The following FBN2 variants were observed in gnomAD, a reference collection of about 807,000 sequenced individuals.
FBN2 encodes the protein fibrillin 2, also known as fibrillin-2.
Under a neutral mutation model 355.6 loss-of-function variants are expected in FBN2, and 105 were observed. The ratio of observed to expected loss-of-function variants is 0.30; its 90% CI spans 0.25 to 0.35. FBN2 has a LOEUF of 0.35. Among genes scored for constraint, FBN2 ranks in the 10% least tolerant of loss-of-function variants. The pLI is 1.00. For missense variants in FBN2, 3,280 were observed against 3,758.7 expected, an observed-to-expected ratio of 0.87 and a Z score of 3.33; for synonymous variants, 1,350 against 1,301.2, an observed-to-expected ratio of 1.04 and a Z score of -0.81.
chr5:128,507,045 T>C (rs559361299), intron 5 of FBN2, among the ~76,000 whole-genome samples: 1 of 152,220 alleles, frequency 6.6e-6, no homozygotes, highest in East Asian at 1.9e-4. Context: ...CTTCTTGATA[T>C]GTCTTTTTCT....
intron 32 of FBN2, 42 bp downstream of exon 32, chr5:128,332,870 A>G (rs1316561734): frequency 2.5e-6 from 4 of 1,606,980 alleles, no homozygotes; most frequent in African/African-American, 2.7e-5. Context: ...AGCCTTTAAA[A>G]ATTTGTGCCT....
chr5:128,537,372 C>A lies in FBN2; in HGVS notation c.232G>T (p.Gly78Ter). ...TACCCTCGGAGCACGTCCTGCTGTC[C>A]TCGCCGGCGGACGCGGCTGGCCACT... is the stretch of plus-strand genomic sequence containing the variant. ...AAVASRVRRR[G>*]QQDVLRGPNV... Residue 78 changes from glycine to a stop codon, truncating the protein, a stop_gained, in exon 1 of 65, where the codon GGA becomes TGA. Transcript: ENST00000262464. LOFTEE classifies it high-confidence loss of function. 6.2e-7 allele frequency: 1 copy of A among 1,610,934 alleles called. No individual in the cohort carries two copies.
At position 128,537,556 on chromosome 5, in the gene FBN2, C is replaced by T; in HGVS notation, c.48G>A (p.Leu16=). The change falls in exon 1 of 65, where the codon CTG becomes CTA. Residue 16 remains leucine (L), a synonymous_variant. Coordinates refer to ENST00000262464, the MANE Select transcript of FBN2 (RefSeq NM_001999.4). ...RLCLQLYFLW[L]GCVVLWAQGT... is the part of the protein sequence containing the mutation. ...CCTGCGCCCAGAGCACCACACAGCC[C>T]AGCCACAGGAAGTAGAGCTGGAGAC... The T allele has an allele frequency of 6.2e-7, 1 of 1,602,652 alleles. No individual in the cohort carries two copies. The highest frequency in any genetic ancestry group is 2.3e-5 in the East Asian group (1 of 44,284).
intron 55 of FBN2, 125 bp downstream of exon 55, chr5:128,286,593 G>A: frequency 8.8e-7 from 1 of 1,135,286 alleles, no homozygotes; most frequent in Non-Finnish European, 1.3e-6. Flanking sequence ...AAAGCTAGCT[G>A]TATCACTGCC....
At chr5:128,356,307 G>A (rs1214929972) in intron 20 of FBN2, among the ~76,000 whole-genome samples, 1 of 152,122 alleles carries the variant, frequency 6.6e-6, no homozygotes, top group African/African-American at 2.4e-5. Context: ...GATAATTTTG[G>A]ACTTGGTCAT....
chr5:128,272,255 A>C, intron 61 of FBN2, 137 bp from the exon 62 acceptor site: 1 of 983,212 alleles, frequency 1.0e-6, no homozygotes, highest in African/African-American at 1.6e-5. Context: ...AGAGGCTGTC[A>C]TTTTTCCAGG....
intron 8 of FBN2, among the ~76,000 whole-genome samples, chr5:128,404,663 T>C (rs1031296819): frequency 1.3e-5 from 2 of 152,220 alleles, no homozygotes; most frequent in Admixed American, 6.5e-5. Flanking sequence ...CTATGCAAGA[T>C]GCCTATTACA....
Position 128,487,005 on chromosome 5 carries a change from T to C in FBN2, c.629-22084A>G, listed in dbSNP as rs528773181. Among the ~76,000 whole-genome samples the C allele has an allele frequency of 8.1e-4, 123 of 152,328 alleles. 1 individual carries two copies. Among genetic ancestry groups the C allele is most frequent in the African/African-American group, 2.8e-3 (115 of 41,572 alleles). ...TCCTCAGGCCTGTACAAGTCATTAGTGCTGTTCCCAATATCCAATTTTCCT... is the reference window on the plus strand; with the variant it reads ...TCCTCAGGCCTGTACAAGTCATTAGCGCTGTTCCCAATATCCAATTTTCCT... On this transcript the variant is annotated intron_variant, in intron 5 of 64. Transcript: ENST00000262464.
In FBN2 at chr5:128,464,845, C is replaced by T. The variant is rs375107963; in HGVS notation, c.705G>A (p.Thr235=). The T allele has an allele frequency of 3.7e-6, 6 of 1,614,102 alleles. No homozygotes were observed. Among genetic ancestry groups the T allele is most frequent in the East Asian group, 4.5e-5 (2 of 44,890 alleles). Residue 235 remains threonine, a synonymous_variant, in exon 6 of 65, where the codon ACG becomes ACA. Transcript: ENST00000262464. ...CQGQLTGIVC[T]KTLCCATIGR... is the part of the protein sequence containing the mutation. ...CAATGGTGGCACAGCACAGAGTCTT[C>T]GTGCAGACAATGCCTGTCAGCTGCC... is the stretch of plus-strand genomic sequence containing the variant.
At chr5:128,297,048 C>T (rs1192851637) in intron 48 of FBN2, among the ~76,000 whole-genome samples, 5 of 152,102 alleles carry the variant, frequency 3.3e-5, no homozygotes, top group South Asian at 2.1e-4. Flanking sequence ...TCTTTGTTCT[C>T]GCTGGTTTCA....
intron 7 of FBN2, among the ~76,000 whole-genome samples, chr5:128,444,210 C>T (rs1362732144): frequency 3.3e-5 from 5 of 151,464 alleles, no homozygotes; most frequent in Admixed American, 1.3e-4. Flanking sequence ...GTAGCTGGGA[C>T]TACAGGCGCC....
chr5:128,537,304 C>T (rs1227330569), intron 1 of FBN2, 46 bp downstream of exon 1: 1 of 1,604,204 alleles, frequency 6.2e-7, no homozygotes, highest in Non-Finnish European at 8.5e-7. Flanking sequence ...GGATTCCCCC[C>T]TCCCCCAAGC....
intron 5 of FBN2, among the ~76,000 whole-genome samples, chr5:128,472,258 C>G (rs1176250322): frequency 6.6e-6 from 1 of 151,968 alleles, no homozygotes; most frequent in Non-Finnish European, 1.5e-5. Context: ...ATAAGCCAGT[C>G]ACAAAAGGGG....
At chr5:128,467,429 T>C (rs1754741534) in intron 5 of FBN2, among the ~76,000 whole-genome samples, 1 of 152,168 alleles carries the variant, frequency 6.6e-6, no homozygotes, top group Non-Finnish European at 1.5e-5. Context: ...TATCTACTAA[T>C]TCAAGAATTA....
At chr5:128,513,314 A>G (rs999508317) in intron 5 of FBN2, among the ~76,000 whole-genome samples, 1 of 152,256 alleles carries the variant, frequency 6.6e-6, no homozygotes, top group African/African-American at 2.4e-5. Context: ...TAAATTCTAT[A>G]TAATAACAAC....
chr5:128,304,281 G>C (rs1749802806), intron 45 of FBN2, among the ~76,000 whole-genome samples: 1 of 152,148 alleles, frequency 6.6e-6, no homozygotes, highest in Non-Finnish European at 1.5e-5. Flanking sequence ...GCTGACATCA[G>C]ACTTAAGGGG....
intron 36 of FBN2, among the ~76,000 whole-genome samples, chr5:128,314,661 C>T (rs944330463): frequency 1.3e-5 from 2 of 152,108 alleles, no homozygotes; most frequent in African/African-American, 4.8e-5. Flanking sequence ...TTCTTTCTCT[C>T]TCTTCCCCCT....
intron 6 of FBN2, among the ~76,000 whole-genome samples, chr5:128,450,154 T>G (rs541882911): frequency 6.6e-6 from 1 of 152,210 alleles, no homozygotes; most frequent in Non-Finnish European, 1.5e-5. Context: ...AGGGATATAT[T>G]AGACTTGAAC....
rs923489265 is a variant in FBN2, at chr5:128,533,862, T to TA, written c.337+2539dup. Among the ~76,000 whole-genome samples, 516 of 145,492 alleles carry TA rather than the reference T, an allele frequency of 3.5e-3. 2 individuals carry two copies. The highest frequency in any genetic ancestry group is 0.011 in the African/African-American group (444 of 39,914). ...TCATTGCTTCATGTTCTAAGAAGAT[T>TA]AAAAAAAAAAAGGTGAGAAAGTCAA... On this transcript the variant is annotated intron_variant, in intron 2 of 64. Coordinates refer to ENST00000262464, the MANE Select transcript of FBN2 (RefSeq NM_001999.4).
Sources: allele counts gnomAD v4.1 joint callset (sites outside exome capture counted in the v4.1 genomes callset), GRCh38; gene constraint gnomAD v4.1.1; transcripts MANE v1.5; gene names NCBI Gene and HGNC (gene_info 2026-07-23, HGNC 2026-07-21).